Variants in OXCT1 observed in about 807,000 individuals in gnomAD.
OXCT1 encodes the protein succinyl-CoA:3-ketoacid coenzyme A transferase 1, mitochondrial.
A neutral mutation model predicts 69.6 loss-of-function variants in OXCT1; 27 were observed. The ratio of observed to expected loss-of-function variants is 0.39; its 90% CI spans 0.29 to 0.54. The LOEUF is 0.54. Ranked by LOEUF, OXCT1 falls within the 20% of genes least tolerant of loss-of-function variation. OXCT1 has a pLI of 0.72. For synonymous variants in OXCT1, 202 were observed against 217.8 expected, an observed-to-expected ratio of 0.93 and a Z score of 0.64; for missense variants, 437 against 650.2, an observed-to-expected ratio of 0.67 and a Z score of 3.57.
chr5:41,770,499 CA>C (rs1411705732), intron 13 of OXCT1, among the ~76,000 whole-genome samples: 5 of 152,102 alleles, frequency 3.3e-5, no homozygotes, highest in African/African-American at 1.2e-4. Context: ...ATTTATAAGA[CA>C]CCCAAGGAAA....
intron 13 of OXCT1, among the ~76,000 whole-genome samples, chr5:41,763,648 T>C (rs1260657608): frequency 2.6e-5 from 4 of 152,216 alleles, no homozygotes; most frequent in African/African-American, 4.8e-5. Context: ...CAATCTGCTA[T>C]GGTAAGAACA....
intron 11 of OXCT1, among the ~76,000 whole-genome samples, chr5:41,798,464 C>T (rs1158535535): frequency 1.3e-5 from 2 of 152,132 alleles, no homozygotes; most frequent in South Asian, 2.1e-4. Flanking sequence ...TCCCTGGCCT[C>T]TACCTACTAG....
At chr5:41,753,276 C>A (rs1380930125) in intron 14 of OXCT1, among the ~76,000 whole-genome samples, 1 of 144,040 alleles carries the variant, frequency 6.9e-6, no homozygotes, top group Non-Finnish European at 1.5e-5. Context: ...GCAATACACA[C>A]ACACACACAC....
intron 1 of OXCT1, among the ~76,000 whole-genome samples, chr5:41,866,196 C>G (rs1052952015): frequency 2.6e-5 from 4 of 152,092 alleles, no homozygotes; most frequent in African/African-American, 9.7e-5. Context: ...GTAAGACCAA[C>G]TTGTCATTTA....
intron 5 of OXCT1, among the ~76,000 whole-genome samples, chr5:41,843,317 T>C (rs1344421540): frequency 6.6e-6 from 1 of 152,182 alleles, no homozygotes; most frequent in African/African-American, 2.4e-5. Context: ...GAGCATAGTA[T>C]ATGTCTCCAT....
intron 7 of OXCT1, among the ~76,000 whole-genome samples, chr5:41,824,593 G>C (rs1010658809): frequency 2.6e-5 from 4 of 152,112 alleles, no homozygotes; most frequent in African/African-American, 9.7e-5. Flanking sequence ...AACATTTTGA[G>C]TGCAAACATA....
In OXCT1 at chr5:41,819,163, T is replaced by A. The variant is rs369810677; in HGVS notation, c.733-11725A>T. ...AACATGAAATAAATCGATAAGTAGG[T>A]CAAAAGTTGTTAAACCAAAAGAGAG... On this transcript the variant is annotated intron_variant, in intron 7 of 16. Transcript: ENST00000196371. Among the ~76,000 whole-genome samples the A allele has an allele frequency of 1.7e-3, 259 of 152,180 alleles. 2 individuals carry two copies. Among genetic ancestry groups the A allele is most frequent in the South Asian group, 0.016 (78 of 4,814 alleles).
chr5:41,805,389 A>G (rs907929159), intron 9 of OXCT1, among the ~76,000 whole-genome samples, 178 bp downstream of exon 9: 10 of 151,816 alleles, frequency 6.6e-5, no homozygotes, highest in Admixed American at 5.9e-4. Context: ...TCTGTCATGT[A>G]TCTTGACACC....
intron 13 of OXCT1, among the ~76,000 whole-genome samples, chr5:41,770,575 G>A (rs1326580312): frequency 6.6e-6 from 1 of 152,104 alleles, no homozygotes; most frequent in African/African-American, 2.4e-5. Context: ...ATACCTGTTA[G>A]GTGTTCTGTG....
chr5:41,735,139 C>A (rs917659022), intron 16 of OXCT1, among the ~76,000 whole-genome samples: 1 of 152,182 alleles, frequency 6.6e-6, no homozygotes, highest in African/African-American at 2.4e-5. Context: ...GAGATATTTG[C>A]ACATCCATGT....
At chr5:41,822,139 G>C (rs1208707222) in intron 7 of OXCT1, among the ~76,000 whole-genome samples, 3 of 152,096 alleles carry the variant, frequency 2.0e-5, no homozygotes, top group Non-Finnish European at 4.4e-5. Context: ...AAAGCACGCA[G>C]GTGACACGGA....
intron 14 of OXCT1, among the ~76,000 whole-genome samples, chr5:41,759,770 G>C (rs1744259483): frequency 6.6e-6 from 1 of 151,716 alleles, no homozygotes; most frequent in Admixed American, 6.6e-5. Context: ...TAAGGAAATA[G>C]ATAGCCCTAC....
chr5:41,829,564 T>C (rs1747993341), intron 7 of OXCT1, among the ~76,000 whole-genome samples: 2 of 152,168 alleles, frequency 1.3e-5, no homozygotes, highest in Admixed American at 1.3e-4. Flanking sequence ...GCAGCATTGT[T>C]ACCAAGCAAC....
Position 41,842,669 on chromosome 5 carries a change from C to A in OXCT1, c.671+6G>T, listed in dbSNP as rs760722090. On this transcript the variant is annotated splice_donor_region_variant and intron_variant, in intron 6 of 16. Transcript: ENST00000196371. Reference sequence around the variant, plus strand: ...TGCACGAGTGTTTTTAAAACTATCACAATACCTGAAAATCACGTTTCCTGC... The same window carrying A: ...TGCACGAGTGTTTTTAAAACTATCAAAATACCTGAAAATCACGTTTCCTGC... The A allele has an allele frequency of 6.3e-7, 1 of 1,597,812 alleles. No individual in the cohort carries two copies. The highest frequency in any genetic ancestry group is 8.6e-7 in the Non-Finnish European group (1 of 1,165,182).
At chr5:41,732,829 C>G (rs1388026430) in intron 16 of OXCT1, among the ~76,000 whole-genome samples, 1 of 152,116 alleles carries the variant, frequency 6.6e-6, no homozygotes, top group Non-Finnish European at 1.5e-5. Flanking sequence ...AGTCATTTGG[C>G]TTTCATAAGG....
intron 7 of OXCT1, among the ~76,000 whole-genome samples, chr5:41,830,370 T>A (rs1462746323): frequency 6.6e-6 from 1 of 152,206 alleles, no homozygotes. Context: ...AAAGAACTTG[T>A]GTCAAGTGTT....
In OXCT1 at chr5:41,773,030, GGCA is replaced by G. The variant is rs780949784; in HGVS notation, c.1249-10833_1249-10831del. ...ACTCTGGGAGGGTCCTATCATCACAGGCAGGAAAAACACAGTTTCTCCTTTCAA... is the reference window on the plus strand; with the variant it reads ...ACTCTGGGAGGGTCCTATCATCACAGGGAAAAACACAGTTTCTCCTTTCAA... On this transcript the variant is annotated intron_variant, in intron 13 of 16. Coordinates refer to ENST00000196371, the MANE Select transcript of OXCT1 (RefSeq NM_000436.4). 1.2e-3 allele frequency among the ~76,000 whole-genome samples: 179 copies of G among 152,252 alleles called. 1 individual carries two copies. The Middle Eastern group carries it at 0.014, about 12-fold the overall frequency.
At chr5:41,866,245 C>G (rs1027197795) in intron 1 of OXCT1, among the ~76,000 whole-genome samples, 2 of 151,978 alleles carry the variant, frequency 1.3e-5, no homozygotes, top group African/African-American at 4.8e-5. Flanking sequence ...CTCACTCTAC[C>G]CTATACACAC....
intron 13 of OXCT1, among the ~76,000 whole-genome samples, chr5:41,775,752 C>T (rs1345928828): frequency 2.6e-5 from 4 of 152,026 alleles, no homozygotes; most frequent in Non-Finnish European, 5.9e-5. Flanking sequence ...GTCACATTAG[C>T]GTAAATTCAG....
Sources: gnomAD v4.1 joint callset for allele counts (sites outside exome capture counted in the v4.1 genomes callset) on GRCh38, gnomAD v4.1.1 for gene constraint, MANE v1.5 for transcripts, NCBI Gene and HGNC (gene_info 2026-07-23, HGNC 2026-07-21) for gene names.